The following CYRIB variants were observed in gnomAD, a reference collection of about 807,000 sequenced individuals.
CYRIB encodes the protein CYFIP related Rac1 interactor B, also known as CYFIP-related Rac1 interactor B.
In CYRIB, 8 loss-of-function variants were observed where a neutral mutation model predicts 44.2. That is an observed-to-expected ratio of 0.18 (90% CI 0.11 to 0.33). The LOEUF (loss-of-function observed/expected upper bound fraction) is 0.33. Among genes scored for constraint, CYRIB ranks in the 10% least tolerant of loss-of-function variants. The probability of loss-of-function intolerance (pLI) is 1.00; values close to 1 mark genes in which losing one functional copy is unlikely to be tolerated. For synonymous variants in CYRIB, 131 were observed against 127.2 expected (o/e 1.03, Z -0.20); for missense variants, 185 against 382.8 (o/e 0.48, Z 4.31).
intron 1 of CYRIB, among the ~76,000 whole-genome samples, chr8:129,936,987 G>C (rs1166792347): frequency 6.6e-6 from 1 of 152,184 alleles, no homozygotes; most frequent in Admixed American, 6.5e-5. Context: ...GATTACAGGC[G>C]TGAGCCACTG....
intron 1 of CYRIB, among the ~76,000 whole-genome samples, chr8:129,936,895 GA>G (rs1015979047): frequency 7.2e-5 from 11 of 151,974 alleles, no homozygotes; most frequent in Admixed American, 5.9e-4. Context: ...TTTTGGTAGA[GA>G]CGGGGTTTCA....
intron 2 of CYRIB, among the ~76,000 whole-genome samples, chr8:129,889,167 C>A (rs893408062): frequency 6.6e-6 from 1 of 152,126 alleles, no homozygotes; most frequent in Non-Finnish European, 1.5e-5. Flanking sequence ...CTAAATGGTA[C>A]AACAAAGCCT....
At chr8:129,868,331 A>G (rs2055006633) in intron 4 of CYRIB, among the ~76,000 whole-genome samples, 1 of 152,172 alleles carries the variant, frequency 6.6e-6, no homozygotes, top group African/African-American at 2.4e-5. Context: ...TCCGTTTTTT[A>G]GCTTACATAT....
chr8:129,895,086 T>C (rs1306307921), intron 2 of CYRIB, among the ~76,000 whole-genome samples: 1 of 125,602 alleles, frequency 8.0e-6, no homozygotes, highest in Non-Finnish European at 1.6e-5. Flanking sequence ...TACATGCCCG[T>C]GTCATCATGC....
At chr8:129,945,487 A>G (rs1386743924) in intron 2 of CYRIB, among the ~76,000 whole-genome samples, 2 of 152,170 alleles carry the variant, frequency 1.3e-5, no homozygotes, top group Admixed American at 6.5e-5. Flanking sequence ...ACTAAGCTCA[A>G]TAACAGTTTT....
At chr8:129,859,872 C>T (rs7812620) in intron 5 of CYRIB, among the ~76,000 whole-genome samples, 6,535 of 152,246 alleles carry the variant, frequency 0.043, 238 homozygotes, top group African/African-American at 0.098. Flanking sequence ...CTCGTGTCCT[C>T]GGTCTCTTGC....
intron 1 of CYRIB, among the ~76,000 whole-genome samples, chr8:129,916,168 A>C (rs1478910465): frequency 6.6e-6 from 1 of 152,046 alleles, no homozygotes; most frequent in Non-Finnish European, 1.5e-5. Context: ...ATTCTATCCA[A>C]CTTTCTTCTA....
chr8:129,932,314 T>C (rs974336323), intron 1 of CYRIB, among the ~76,000 whole-genome samples: 2 of 152,182 alleles, frequency 1.3e-5, no homozygotes, highest in Admixed American at 1.3e-4. Context: ...GTGAACAGTC[T>C]TGAGAAATAA....
intron 11 of CYRIB, chr8:129,844,203 C>T (rs1374191034): frequency 1.3e-5 from 2 of 152,172 alleles, no homozygotes; most frequent in Non-Finnish European, 2.9e-5. Context: ...AAAAGTATCA[C>T]TACTCAGCAA....
At position 129,854,178 on chromosome 8, in the gene CYRIB, T is replaced by C; in HGVS notation, c.516+88A>G. The C allele has an allele frequency of 2.0e-5, 21 of 1,049,142 alleles. 1 individual carries two copies. The South Asian group carries it at 2.9e-4, about 14-fold the overall frequency. 65.0% of individuals were successfully genotyped at this position (1,049,142 alleles called of 1,614,324 possible). On this transcript the variant is annotated intron_variant, in intron 7 of 11. Transcript: ENST00000519824. ...CTAACTTTATTACTAGCTTTAACAC[T>C]ATCTGAATGAACAAACAAAATAATA...
At chr8:129,912,541 T>A (rs2078561769) in intron 1 of CYRIB, 1 of 151,774 alleles carries the variant, frequency 6.6e-6, no homozygotes, top group South Asian at 2.1e-4. Context: ...AAAAAAGCCA[T>A]ATAATTACCT....
intron 1 of CYRIB, among the ~76,000 whole-genome samples, chr8:129,979,094 T>C (rs948640927): frequency 6.6e-6 from 1 of 151,932 alleles, no homozygotes; most frequent in Non-Finnish European, 1.5e-5. Context: ...TGAGCGGAGA[T>C]CGTGACACTG....
chr8:129,874,627 T>A (rs1390143238), intron 3 of CYRIB, among the ~76,000 whole-genome samples: 1 of 152,110 alleles, frequency 6.6e-6, no homozygotes, highest in African/African-American at 2.4e-5. Flanking sequence ...CTGTAATACA[T>A]TTTGAATGAA....
intron 1 of CYRIB, among the ~76,000 whole-genome samples, chr8:129,939,187 G>C (rs975302882): frequency 4.6e-5 from 7 of 152,014 alleles, no homozygotes; most frequent in Non-Finnish European, 8.8e-5. Flanking sequence ...ACGGGAACAG[G>C]GGATGAGGAG....
In CYRIB at chr8:129,903,376, G is replaced by T. The variant is rs541123578; in HGVS notation, c.-49-26C>A. The T allele has an allele frequency of 5.9e-5, 9 of 152,740 alleles. No individual in the cohort carries two copies. In the South Asian group the frequency reaches 1.4e-3, roughly 25 times the overall value. The allele number at this position is 152,740 out of a possible 1,614,324, so 9.5% of individuals were successfully genotyped here. On this transcript the variant is annotated intron_variant, in intron 1 of 11. Coordinates refer to ENST00000519824, the Ensembl canonical transcript of CYRIB. The stretch of plus-strand genomic sequence containing the variant: ...CTGTTTAAGGAAAGAAAAAAAGGAA[G>T]AAAGTCTAAAACATTATTATACTTT...
intron 1 of CYRIB, among the ~76,000 whole-genome samples, chr8:129,984,337 G>T (rs531515444): frequency 1.3e-5 from 2 of 152,300 alleles, no homozygotes; most frequent in Non-Finnish European, 2.9e-5. Context: ...GGCAGGGCTG[G>T]CAGGGAGGCC....
intron 5 of CYRIB, among the ~76,000 whole-genome samples, chr8:129,860,826 C>G (rs512428): frequency 6.6e-6 from 1 of 150,608 alleles, no homozygotes; most frequent in African/African-American, 2.4e-5. Flanking sequence ...TTCTGGCTCT[C>G]TAACATGCAG....
At chr8:129,943,826 C>T (rs1193867843), upstream of CYRIB, among the ~76,000 whole-genome samples, 7 of 149,384 alleles carry the variant, frequency 4.7e-5, no homozygotes, top group African/African-American at 7.4e-5. Flanking sequence ...GTCTCGATCT[C>T]CTGACCACGT....
intron 2 of CYRIB, among the ~76,000 whole-genome samples, chr8:129,959,532 T>C (rs924706604): frequency 2.6e-5 from 4 of 152,048 alleles, no homozygotes; most frequent in Admixed American, 6.6e-5. Flanking sequence ...CCCAGCACTT[T>C]AGGAGGCTGA....
Sources: allele counts gnomAD v4.1 joint callset (sites outside exome capture counted in the v4.1 genomes callset), GRCh38; gene constraint gnomAD v4.1.1; transcripts MANE v1.5; gene names NCBI Gene and HGNC (gene_info 2026-07-23, HGNC 2026-07-21).